The following SLC1A1 variants were observed in gnomAD, a reference collection of about 807,000 sequenced individuals.
SLC1A1 encodes the protein solute carrier family 1 member 1.
Under a neutral mutation model 53.3 loss-of-function variants are expected in SLC1A1, and 43 were observed. The observed-to-expected ratio is 0.81, with a 90% CI of 0.63 to 1.04. The LOEUF is 1.04. Ranked by LOEUF, SLC1A1 falls within the 50% of genes least tolerant of loss-of-function variation. The pLI, the probability that SLC1A1 is intolerant of heterozygous loss-of-function variation, is 0.00. For synonymous variants in SLC1A1, 307 were observed against 243.2 expected (o/e 1.26, Z -2.44); for missense variants, 748 against 664.9 (o/e 1.12, Z -1.37).
intron 1 of SLC1A1, among the ~76,000 whole-genome samples, chr9:4,510,899 G>A (rs550768835): frequency 1.1e-4 from 17 of 152,274 alleles, no homozygotes; most frequent in Admixed American, 2.0e-4. Flanking sequence ...CAGCTCCACC[G>A]TAAACAAATT....
At chr9:4,495,875 A>G (rs1165701151) in intron 1 of SLC1A1, among the ~76,000 whole-genome samples, 1 of 152,116 alleles carries the variant, frequency 6.6e-6, no homozygotes, top group African/African-American at 2.4e-5. Context: ...CAAAACAGAG[A>G]GTCCTGGAAG....
At chr9:4,573,191 C>T (rs1438473242) in intron 7 of SLC1A1, among the ~76,000 whole-genome samples, 1 of 152,148 alleles carries the variant, frequency 6.6e-6, no homozygotes, top group East Asian at 1.9e-4. Context: ...GCCAAAAAGT[C>T]CACCTTTCTT....
At chr9:4,520,635 T>G (rs1816034954) in intron 1 of SLC1A1, among the ~76,000 whole-genome samples, 1 of 152,254 alleles carries the variant, frequency 6.6e-6, no homozygotes, top group Non-Finnish European at 1.5e-5. Context: ...TTCCATTGGA[T>G]AGAGATACAA....
Position 4,533,227 on chromosome 9 carries a change from T to C in SLC1A1, c.92-11340T>C, listed in dbSNP as rs553335096. 2.3e-4 allele frequency among the ~76,000 whole-genome samples: 35 copies of C among 152,268 alleles called. No individual in the cohort carries two copies. The South Asian group carries it at 6.8e-3, about 30-fold the overall frequency. ...CACACATAGCAATATTAACCTTAAA[T>C]GTAAATGGGCTAAATGCTCCAATTA... On this transcript the variant is annotated intron_variant, in intron 1 of 11. Transcript: ENST00000262352.
intron 6 of SLC1A1, 46 bp downstream of exon 6, chr9:4,567,813 G>C (rs771822468): frequency 5.3e-6 from 6 of 1,130,358 alleles, no homozygotes; most frequent in Non-Finnish European, 8.1e-6. Context: ...GACAGGCACT[G>C]AGTCATGACT....
intron 1 of SLC1A1, among the ~76,000 whole-genome samples, chr9:4,494,992 T>G (rs1230568333): frequency 6.6e-6 from 1 of 152,224 alleles, no homozygotes; most frequent in African/African-American, 2.4e-5. Flanking sequence ...TAAATTGTTT[T>G]CTTTGGAGCG....
At chr9:4,503,546 A>C (rs1820704164) in intron 1 of SLC1A1, among the ~76,000 whole-genome samples, 1 of 151,818 alleles carries the variant, frequency 6.6e-6, no homozygotes, top group Non-Finnish European at 1.5e-5. Flanking sequence ...GGAGGAGGCC[A>C]TAATTGGAAT....
chr9:4,540,646 T>C (rs1816924886), intron 1 of SLC1A1, among the ~76,000 whole-genome samples: 1 of 152,146 alleles, frequency 6.6e-6, no homozygotes, highest in South Asian at 2.1e-4. Context: ...ACCTGTGGAC[T>C]CCCTTCTGCA....
At chr9:4,494,483 C>T (rs570216807) in intron 1 of SLC1A1, among the ~76,000 whole-genome samples, 45 of 151,984 alleles carry the variant, frequency 3.0e-4, no homozygotes, top group African/African-American at 1.0e-3. Flanking sequence ...CTTAGTGTCC[C>T]GCCTATAATT....
chr9:4,573,907 TTATATGCCAC>T lies in SLC1A1; in HGVS notation c.771_780del (p.Tyr257Ter). 2 of 1,599,774 alleles carry T rather than the reference TTATATGCCAC, an allele frequency of 1.3e-6. No individual in the cohort carries two copies. The highest frequency in any genetic ancestry group is 1.7e-6 in the Non-Finnish European group (2 of 1,166,892). ...CGCCTCTGTTGTGCTTCCTTTCCAGTTATATGCCACTAGGTATTTTGTTCCTGATTGCTGG... is the reference window on the plus strand; with the variant it reads ...CGCCTCTGTTGTGCTTCCTTTCCAGTTAGGTATTTTGTTCCTGATTGCTGG... On this transcript the variant is annotated frameshift_variant and splice_region_variant, in exon 8 of 12. Coordinates refer to ENST00000262352, the MANE Select transcript of SLC1A1 (RefSeq NM_004170.6). LOFTEE classifies it high-confidence loss of function.
intron 1 of SLC1A1, among the ~76,000 whole-genome samples, chr9:4,525,959 C>T (rs1325327130): frequency 6.6e-6 from 1 of 152,082 alleles, no homozygotes; most frequent in African/African-American, 2.4e-5. Flanking sequence ...TAATAATTCA[C>T]AGGACATCAA....
At position 4,561,451 on chromosome 9, in the gene SLC1A1, G is replaced by A. The variant is rs775222798; in HGVS notation, c.235G>A (p.Val79Ile). 21 of 1,586,198 alleles carry A rather than the reference G, an allele frequency of 1.3e-5. No homozygotes were observed. In the South Asian group the frequency reaches 2.3e-4, roughly 18 times the overall value. The change falls in exon 3 of 12, where the codon GTT becomes ATT. Residue 79 changes from valine to isoleucine, a missense_variant and splice_region_variant. Transcript: ENST00000262352. ...TTTGATTTCTGTCTCCCCTTCAGGTGTTGCTGCACTGGATTCCAACGTATC... is the reference window on the plus strand; with the variant it reads ...TTTGATTTCTGTCTCCCCTTCAGGTATTGCTGCACTGGATTCCAACGTATC... ...PLIISSMITG[V>I]AALDSNVSGK...
In SLC1A1 at chr9:4,544,224, G is replaced by A. The variant is rs7048761; in HGVS notation, c.92-343G>A. ...AATATCTCTGCAGGTAGAAAAAGGT[G>A]GTGTGTGAATGCAAAAGAGTTATAC... On this transcript the variant is annotated intron_variant, in intron 1 of 11. Transcript: ENST00000262352. 1.9e-3 allele frequency among the ~76,000 whole-genome samples: 290 copies of A among 152,122 alleles called. 2 individuals are homozygous for A. The highest frequency in any genetic ancestry group is 6.8e-3 in the African/African-American group (281 of 41,478).
At chr9:4,504,483 A>G (rs773667423) in intron 1 of SLC1A1, among the ~76,000 whole-genome samples, 2 of 152,214 alleles carry the variant, frequency 1.3e-5, no homozygotes, top group Non-Finnish European at 2.9e-5. Flanking sequence ...GAGTCGGAAA[A>G]TAAGTTTTTA....
intron 2 of SLC1A1, among the ~76,000 whole-genome samples, chr9:4,550,532 G>A (rs776330100): frequency 1.1e-4 from 16 of 152,108 alleles, no homozygotes; most frequent in Non-Finnish European, 1.8e-4. Flanking sequence ...CTGGGACTAC[G>A]GGTGGCCCAC....
At chr9:4,527,023 T>C (rs894798521) in intron 1 of SLC1A1, among the ~76,000 whole-genome samples, 2 of 152,154 alleles carry the variant, frequency 1.3e-5, no homozygotes, top group African/African-American at 2.4e-5. Context: ...CCTGACTTAA[T>C]AAAGTGGAAG....
rs748775710 is a variant in SLC1A1, at chr9:4,574,018, T to C, written c.875+4T>C. ...ACATGGCCACAGTCCTGACTGGGTA[T>C]GTCAGACTCAAGAGAAGAGACAGAA... On this transcript the variant is annotated splice_donor_region_variant and intron_variant, in intron 8 of 11. Coordinates refer to ENST00000262352, the MANE Select transcript of SLC1A1 (RefSeq NM_004170.6). The C allele has an allele frequency of 5.7e-6, 9 of 1,585,132 alleles. No individual in the cohort carries two copies. In the Admixed American group the frequency reaches 1.0e-4, roughly 18 times the overall value.
chr9:4,585,909 T>A lies in SLC1A1; in HGVS notation c.*351T>A. On this transcript the variant is annotated 3_prime_UTR_variant, in exon 12 of 12. Coordinates refer to ENST00000262352, the MANE Select transcript of SLC1A1 (RefSeq NM_004170.6). ...TCATGCATAGACAAGTGTTTTGGGT[T>A]TTTAAAAAAAATATTCTGTCATTGG... The A allele has an allele frequency of 4.9e-6, 1 of 205,250 alleles. No individual in the cohort carries two copies. The highest frequency in any genetic ancestry group is 9.1e-5 in the South Asian group (1 of 10,976). The allele number at this position is 205,250 out of a possible 1,614,324, so 12.7% of individuals were successfully genotyped here.
At chr9:4,495,835 T>C (rs1215706108) in intron 1 of SLC1A1, among the ~76,000 whole-genome samples, 2 of 151,952 alleles carry the variant, frequency 1.3e-5, no homozygotes, top group African/African-American at 4.8e-5. Context: ...CTGGATTTGG[T>C]CCAAGGGAGA....
Sources: gnomAD v4.1 joint callset for allele counts (sites outside exome capture counted in the v4.1 genomes callset) on GRCh38, gnomAD v4.1.1 for gene constraint, MANE v1.5 for transcripts, NCBI Gene and HGNC (gene_info 2026-07-23, HGNC 2026-07-21) for gene names.